HLCS: variants seen among roughly 807,000 people sequenced by gnomAD.
HLCS encodes biotin--protein ligase.
HLCS carries 53 observed loss-of-function variants against 75.0 expected under a neutral mutation model. That is an observed-to-expected ratio of 0.71 (90% CI 0.57 to 0.89). The LOEUF (loss-of-function observed/expected upper bound fraction) is 0.89, where lower values mean the gene tolerates loss of function less well. Among genes scored for constraint, HLCS ranks in the 40% least tolerant of loss-of-function variants. The pLI, the probability that HLCS is intolerant of heterozygous loss-of-function variation, is 0.00. For missense variants in HLCS, 966 were observed against 1,074.0 expected, an observed-to-expected ratio of 0.90 and a Z score of 1.41; for synonymous variants, 431 against 428.6, an observed-to-expected ratio of 1.01 and a Z score of -0.07.
At chr21:36,871,730 A>G (rs750859204) in intron 6 of HLCS, among the ~76,000 whole-genome samples, 1 of 152,200 alleles carries the variant, frequency 6.6e-6, no homozygotes, top group African/African-American at 2.4e-5. Context: ...CGCAAAACAT[A>G]TATCTGAAAA....
At chr21:36,895,020 C>T (rs1431154659) in intron 6 of HLCS, among the ~76,000 whole-genome samples, 1 of 152,098 alleles carries the variant, frequency 6.6e-6, no homozygotes, top group Non-Finnish European at 1.5e-5. Flanking sequence ...ACTCTCAGGG[C>T]GTGTGCTGCC....
intron 6 of HLCS, among the ~76,000 whole-genome samples, chr21:36,893,255 A>G (rs2064868059): frequency 6.6e-6 from 1 of 152,124 alleles, no homozygotes; most frequent in Non-Finnish European, 1.5e-5. Flanking sequence ...TATTTTTAGT[A>G]GAGACAGGGT....
At chr21:36,888,734 G>A (rs1183937468) in intron 6 of HLCS, among the ~76,000 whole-genome samples, 1 of 151,664 alleles carries the variant, frequency 6.6e-6, no homozygotes, top group African/African-American at 2.4e-5. Flanking sequence ...AGCATCTAGT[G>A]TTCCAACGCC....
intron 1 of HLCS, among the ~76,000 whole-genome samples, chr21:36,977,288 TCAGA>T (rs112955106): frequency 3.3e-5 from 5 of 152,230 alleles, no homozygotes; most frequent in East Asian, 1.9e-4. Flanking sequence ...TTCCTGCCTA[TCAGA>T]CAGGCCCTCC....
chr21:36,860,572 G>C (rs1366280520), intron 6 of HLCS, among the ~76,000 whole-genome samples: 1 of 152,190 alleles, frequency 6.6e-6, no homozygotes, highest in Non-Finnish European at 1.5e-5. Context: ...TTTTGTGTAA[G>C]TCAAATGAAT....
intron 6 of HLCS, among the ~76,000 whole-genome samples, chr21:36,850,567 T>C (rs1305168271): frequency 6.6e-6 from 1 of 152,178 alleles, no homozygotes; most frequent in African/African-American, 2.4e-5. Context: ...TGACGGGGCA[T>C]GGACCACACA....
intron 6 of HLCS, among the ~76,000 whole-genome samples, chr21:36,855,375 A>T (rs74476578): frequency 7.9e-6 from 1 of 125,864 alleles, no homozygotes; most frequent in Non-Finnish European, 1.6e-5. Flanking sequence ...TACTAAAAAT[A>T]AAAAAAAAAA....
chr21:36,880,104 C>T (rs565979118), intron 6 of HLCS, among the ~76,000 whole-genome samples: 1 of 152,238 alleles, frequency 6.6e-6, no homozygotes, highest in South Asian at 2.1e-4. Context: ...AGTCAAATCC[C>T]TCATTCGTTT....
chr21:36,900,321 C>A (rs2065184139), intron 5 of HLCS, among the ~76,000 whole-genome samples: 1 of 152,094 alleles, frequency 6.6e-6, no homozygotes, highest in Non-Finnish European at 1.5e-5. Context: ...GGACAAAATC[C>A]ACAGAACTAT....
At chr21:36,925,936 G>A (rs1215160867) in intron 5 of HLCS, among the ~76,000 whole-genome samples, 1 of 152,190 alleles carries the variant, frequency 6.6e-6, no homozygotes, top group Non-Finnish European at 1.5e-5. Context: ...CTGGTGTTCT[G>A]TAAGGGAAAG....
chr21:36,883,215 G>A (rs181169188), intron 6 of HLCS, among the ~76,000 whole-genome samples: 5 of 152,256 alleles, frequency 3.3e-5, no homozygotes, highest in South Asian at 4.1e-4. Flanking sequence ...TAAAGGGGCA[G>A]GTGAAAGCAA....
intron 1 of HLCS, among the ~76,000 whole-genome samples, chr21:36,962,839 A>ACCCAC (rs2068377090): frequency 6.6e-6 from 1 of 150,572 alleles, no homozygotes; most frequent in South Asian, 2.1e-4. Context: ...AGAAGTACGT[A>ACCCAC]CCCACCAACA....
At chr21:36,878,192 T>C (rs1222352453) in intron 6 of HLCS, among the ~76,000 whole-genome samples, 2 of 152,128 alleles carry the variant, frequency 1.3e-5, no homozygotes, top group Admixed American at 1.3e-4. Context: ...CCTACACATA[T>C]ATTAAACATT....
chr21:36,811,459 C>G (rs920906738), intron 6 of HLCS, among the ~76,000 whole-genome samples: 30 of 152,222 alleles, frequency 2.0e-4, no homozygotes, highest in African/African-American at 6.5e-4. Context: ...GGAGGCTACT[C>G]TGTGCCTCAA....
chr21:36,855,137 G>A (rs1295848577), intron 6 of HLCS, among the ~76,000 whole-genome samples: 1 of 151,972 alleles, frequency 6.6e-6, no homozygotes, highest in Non-Finnish European at 1.5e-5. Flanking sequence ...AGTCAGATAT[G>A]AGCACATATT....
At chr21:36,965,731 ATT>A (rs35275580) in intron 1 of HLCS, among the ~76,000 whole-genome samples, 1 of 141,990 alleles carries the variant, frequency 7.0e-6, no homozygotes, top group African/African-American at 2.6e-5. Flanking sequence ...TTTGTTTGGG[ATT>A]TTTTTTTTTT....
intron 1 of HLCS, among the ~76,000 whole-genome samples, chr21:36,976,754 T>C (rs2068948987): frequency 6.6e-6 from 1 of 152,172 alleles, no homozygotes; most frequent in Non-Finnish European, 1.5e-5. Context: ...TGATAAAAAT[T>C]AGAAGGTGAC....
intron 6 of HLCS, among the ~76,000 whole-genome samples, chr21:36,828,485 T>G (rs1345538476): frequency 6.6e-6 from 1 of 152,150 alleles, no homozygotes; most frequent in African/African-American, 2.4e-5. Context: ...CAAAACTCTT[T>G]TTTTCCTTTA....
At chr21:36,890,475 C>A (rs1167252159) in intron 6 of HLCS, among the ~76,000 whole-genome samples, 2 of 152,150 alleles carry the variant, frequency 1.3e-5, no homozygotes, top group Non-Finnish European at 2.9e-5. Context: ...GGGACTCAGT[C>A]ATCAGCAAGC....
Sources: allele counts gnomAD v4.1 joint callset (sites outside exome capture counted in the v4.1 genomes callset), GRCh38; gene constraint gnomAD v4.1.1; transcripts MANE v1.5; gene names NCBI Gene and HGNC (gene_info 2026-07-23, HGNC 2026-07-21).